PIR: variants seen among roughly 807,000 people sequenced by gnomAD.
PIR encodes the protein pirin (iron-binding nuclear protein).
PIR carries 22 observed loss-of-function variants against 24.2 expected under a neutral mutation model. The ratio of observed to expected loss-of-function variants is 0.91; its 90% CI spans 0.65 to 1.30. PIR has a LOEUF of 1.30. Among genes scored for constraint, PIR ranks in the 50% most tolerant of loss-of-function variants. PIR has a pLI of 0.00. For missense variants in PIR, 220 were observed against 220.3 expected (o/e 1.00, Z 0.01); for synonymous variants, 80 against 79.6 (o/e 1.00, Z -0.03).
At chrX:15,388,986 C>G (rs1923865390) in intron 9 of PIR, among the ~76,000 whole-genome samples, 2 of 111,923 alleles carry the variant, frequency 1.8e-5, no homozygotes, top group Admixed American at 1.9e-4. Flanking sequence ...TTCCAAGCCA[C>G]TGGGAGAGGA....
intron 2 of PIR, among the ~76,000 whole-genome samples, chrX:15,484,739 C>T (rs73635093): frequency 0.063 from 7,031 of 111,503 alleles, 528 homozygotes; most frequent in African/African-American, 0.21. Flanking sequence ...AAAGATTACC[C>T]TTGTTATAAA....
intron 5 of PIR, among the ~76,000 whole-genome samples, chrX:15,450,445 C>A (rs73451232): frequency 1.8e-5 from 2 of 110,439 alleles, no homozygotes; most frequent in African/African-American, 6.6e-5. Context: ...AAAGTGTGCG[C>A]GTATATGTTA....
chrX:15,467,248 T>C (rs1350618270), intron 3 of PIR, among the ~76,000 whole-genome samples: 1 of 112,649 alleles, frequency 8.9e-6, no homozygotes, highest in Non-Finnish European at 1.9e-5. Context: ...CAGTTAACAA[T>C]AGCAGAACAA....
chrX:15,470,173 C>T (rs763142271), intron 3 of PIR, among the ~76,000 whole-genome samples: 2 of 111,847 alleles, frequency 1.8e-5, no homozygotes, highest in African/African-American at 3.3e-5. Context: ...GTGTGAACTT[C>T]GCAAGTCACC....
intron 3 of PIR, among the ~76,000 whole-genome samples, chrX:15,466,006 GTTTTTTTTT>G (rs200803758): frequency 1.6e-5 from 1 of 63,126 alleles, no homozygotes; most frequent in African/African-American, 6.9e-5. Context: ...AATGGTGGCT[GTTTTTTTTT>G]TTTTTTTTTT....
At chrX:15,394,743 C>CA (rs1924070609) in intron 8 of PIR, among the ~76,000 whole-genome samples, 1 of 111,900 alleles carries the variant, frequency 8.9e-6, no homozygotes, top group African/African-American at 3.2e-5. Flanking sequence ...ATGACTGGTA[C>CA]CAGTCCAGGA....
intron 5 of PIR, among the ~76,000 whole-genome samples, chrX:15,451,379 G>A (rs1239240029): frequency 9.3e-6 from 1 of 107,844 alleles, no homozygotes; most frequent in Admixed American, 9.9e-5. Context: ...TTTGGGTCCT[G>A]CAAAAGAGTT....
intron 2 of PIR, among the ~76,000 whole-genome samples, chrX:15,488,001 C>A (rs764255575): frequency 9.0e-6 from 1 of 111,351 alleles, no homozygotes; most frequent in Non-Finnish European, 1.9e-5. Context: ...ACCTCTTGGT[C>A]GGGTGCAGTG....
chrX:15,393,209 G>A (rs1357000636), intron 8 of PIR, among the ~76,000 whole-genome samples: 2 of 111,931 alleles, frequency 1.8e-5, no homozygotes, highest in Non-Finnish European at 3.8e-5. Context: ...ACAGAGTTAA[G>A]CTCTTCTGGG....
intron 5 of PIR, among the ~76,000 whole-genome samples, chrX:15,445,060 C>T (rs1038939160): frequency 9.1e-6 from 1 of 109,416 alleles, no homozygotes; most frequent in Non-Finnish European, 1.9e-5. Flanking sequence ...TCCTGTGTAT[C>T]GCTTCTTTGT....
chrX:15,451,895 G>A (rs1920969225), intron 5 of PIR, among the ~76,000 whole-genome samples: 1 of 112,251 alleles, frequency 8.9e-6, no homozygotes, highest in African/African-American at 3.2e-5. Context: ...CACTTGCAGA[G>A]GGCTTACTCT....
At chrX:15,444,450 C>T (rs1356239818) in intron 5 of PIR, among the ~76,000 whole-genome samples, 2 of 111,929 alleles carry the variant, frequency 1.8e-5, no homozygotes, top group Non-Finnish European at 3.8e-5. Context: ...ATGTGTGATT[C>T]GCTTTATTGC....
chrX:15,432,762 T>C (rs764227054), intron 5 of PIR, among the ~76,000 whole-genome samples: 8 of 111,697 alleles, frequency 7.2e-5, no homozygotes, highest in Non-Finnish European at 1.5e-4. Flanking sequence ...TATAAAGAAC[T>C]GGAAGGGAGT....
At chrX:15,422,606 G>A (rs1925171768) in intron 6 of PIR, among the ~76,000 whole-genome samples, 3 of 109,953 alleles carry the variant, frequency 2.7e-5, no homozygotes, top group Non-Finnish European at 3.8e-5. Flanking sequence ...AAAATACCTG[G>A]GAATCAACTT....
intron 6 of PIR, among the ~76,000 whole-genome samples, chrX:15,421,002 G>A (rs749826846): frequency 4.4e-4 from 49 of 111,980 alleles, no homozygotes; most frequent in Non-Finnish European, 7.7e-4. Flanking sequence ...ATATATGTCA[G>A]TGTATAAAAA....
intron 8 of PIR, among the ~76,000 whole-genome samples, chrX:15,391,568 TTTTA>T (rs777471254): frequency 1.8e-5 from 2 of 112,139 alleles, no homozygotes; most frequent in East Asian, 2.8e-4. Context: ...TTTTCAGTAA[TTTTA>T]TTTGTTAGAA....
In PIR at chrX:15,455,852, A is replaced by G. The variant is rs749315170; in HGVS notation, c.476T>C (p.Ile159Thr). 1 of 1,201,383 alleles carries G rather than the reference A, an allele frequency of 8.3e-7. No homozygotes were observed. The highest frequency in any genetic ancestry group is 1.8e-5 in the African/African-American group (1 of 57,086). The change falls in exon 5 of 10, where the codon ATA becomes ACA. Residue 159 changes from isoleucine to threonine, a missense_variant. Transcript: ENST00000380420. The part of the protein sequence containing the change: ...VAVISGEALG[I>T]KSKVYTRTPT... ...AGACACAATAGCCTGGCTTACCTTTATTCCCAGGGCTTCTCCAGAAATGAC... is the reference window on the plus strand; with the variant it reads ...AGACACAATAGCCTGGCTTACCTTTGTTCCCAGGGCTTCTCCAGAAATGAC...
chrX:15,433,498 A>G (rs1925579849), intron 5 of PIR, among the ~76,000 whole-genome samples: 1 of 93,515 alleles, frequency 1.1e-5, no homozygotes, highest in Admixed American at 1.2e-4. Context: ...AGGAAGAAGA[A>G]GGAGGAGGAG....
At chrX:15,405,284 T>G (rs1159289319) in intron 7 of PIR, among the ~76,000 whole-genome samples, 1 of 111,977 alleles carries the variant, frequency 8.9e-6, no homozygotes, top group East Asian at 2.8e-4. Flanking sequence ...TGAAACAAAC[T>G]TAAAAAAAGC....
Sources: gnomAD v4.1 joint callset for allele counts (sites outside exome capture counted in the v4.1 genomes callset) on GRCh38, gnomAD v4.1.1 for gene constraint, MANE v1.5 for transcripts, NCBI Gene and HGNC (gene_info 2026-07-23, HGNC 2026-07-21) for gene names.